Variants in NSL1 observed in about 807,000 individuals in gnomAD.
The protein encoded by NSL1 is kinetochore-associated protein NSL1 homolog.
A neutral mutation model predicts 25.4 loss-of-function variants in NSL1; 11 were observed. The observed-to-expected ratio is 0.43, with a 90% CI of 0.27 to 0.72. The LOEUF (loss-of-function observed/expected upper bound fraction) is 0.72, where lower values mean the gene tolerates loss of function less well. Among genes scored for constraint, NSL1 ranks in the 30% least tolerant of loss-of-function variants. The pLI, the probability that NSL1 is intolerant of heterozygous loss-of-function variation, is 0.19. For synonymous variants in NSL1, 118 were observed against 120.6 expected, an observed-to-expected ratio of 0.98 and a Z score of 0.14; for missense variants, 330 against 342.7, an observed-to-expected ratio of 0.96 and a Z score of 0.29.
intron 4 of NSL1, among the ~76,000 whole-genome samples, chr1:212,768,572 C>G (rs979000085): frequency 1.3e-5 from 2 of 152,190 alleles, no homozygotes; most frequent in Non-Finnish European, 2.9e-5. Context: ...GCATTCGCAG[C>G]AACCTGGATG....
chr1:212,768,357 C>G (rs556611606), intron 4 of NSL1, among the ~76,000 whole-genome samples: 1 of 145,966 alleles, frequency 6.9e-6, no homozygotes, highest in East Asian at 2.0e-4. Flanking sequence ...AAAAGCAGGA[C>G]TACCATTCGA....
chr1:212,726,958 G>T lies in NSL1; in HGVS notation c.*11450C>A. The T allele has an allele frequency of 1.8e-6, 1 of 560,906 alleles. No individual in the cohort carries two copies. The highest frequency in any genetic ancestry group is 3.1e-5 in the South Asian group (1 of 32,448). 34.7% of individuals were successfully genotyped at this position (560,906 alleles called of 1,614,324 possible). A position where few individuals can be genotyped will look rare whatever the true frequency, so the allele number is the denominator to read the frequency against. On this transcript the variant is annotated 3_prime_UTR_variant, in exon 6 of 6. Coordinates refer to ENST00000366977, the MANE Select transcript of NSL1 (RefSeq NM_015471.4). ...GTCCTGTCTCTTCATGGTGGGTGAA[G>T]AGCACAGGGAGAGTGTGCTTCCTGG...
rs150662008 is a variant in NSL1, at chr1:212,791,550, C to A, written c.214G>T (p.Ala72Ser). ...DALPEEIREP[A>S]LRDAQWTFES... ...CGTACCCACTGCGCATCTCGCAGAG[C>A]GGGCTCCCGAATCTCCTCCGGCAGA... The change falls in exon 1 of 6, where the codon GCT becomes TCT. Residue 72 changes from alanine (A) to serine (S), a missense_variant. Transcript: ENST00000366977. 1 of 1,613,620 alleles carries A rather than the reference C, an allele frequency of 6.2e-7. No individual in the cohort carries two copies. Among genetic ancestry groups the A allele is most frequent in the Non-Finnish European group, 8.5e-7 (1 of 1,179,946 alleles).
In NSL1 at chr1:212,763,824, A is replaced by C. The variant is rs559441340; in HGVS notation, c.499+18548T>G. Reference sequence around the variant, plus strand: ...TAAGAAATGAGACTGGCAACAACACAATAATAGTGTGGGACTTCAATACTC... The same window carrying C: ...TAAGAAATGAGACTGGCAACAACACCATAATAGTGTGGGACTTCAATACTC... On this transcript the variant is annotated intron_variant, in intron 4 of 5. Transcript: ENST00000366977. Among the ~76,000 whole-genome samples, 780 of 152,330 alleles carry C rather than the reference A, an allele frequency of 5.1e-3. 3 individuals are homozygous for C. The highest frequency in any genetic ancestry group is 0.018 in the African/African-American group (743 of 41,568).
In NSL1 at chr1:212,728,593, T is replaced by C; in HGVS notation, c.*9815A>G. The C allele has an allele frequency of 1.0e-6, 1 of 985,446 alleles. No individual in the cohort carries two copies. The highest frequency in any genetic ancestry group is 1.2e-6 in the Non-Finnish European group (1 of 829,928). The allele number at this position is 985,446 out of a possible 1,614,324, so 61.0% of individuals were successfully genotyped here. ...GATAGAAATGAGAAAAGGAGTTTTA[T>C]GTTAGGAAAAAAATGGTTTCTGAGA... On this transcript the variant is annotated 3_prime_UTR_variant, in exon 6 of 6. Transcript: ENST00000366977.
At chr1:212,759,846 G>A (rs1659479310) in intron 4 of NSL1, among the ~76,000 whole-genome samples, 1 of 152,142 alleles carries the variant, frequency 6.6e-6, no homozygotes, top group Non-Finnish European at 1.5e-5. Context: ...GTGCACCAGG[G>A]AGGCTGCCCG....
chr1:212,751,719 T>A (rs1344924891), intron 4 of NSL1, among the ~76,000 whole-genome samples: 2 of 146,666 alleles, frequency 1.4e-5, no homozygotes, highest in Admixed American at 6.8e-5. Context: ...CCATTTTTTT[T>A]AAAGACAAAA....
intron 2 of NSL1, among the ~76,000 whole-genome samples, chr1:212,787,264 G>T (rs1232327430): frequency 1.3e-5 from 2 of 151,992 alleles, no homozygotes; most frequent in African/African-American, 4.8e-5. Flanking sequence ...CACTTTTAAG[G>T]GTACTTCACT....
At chr1:212,739,664 A>G (rs977968281) in intron 4 of NSL1, 63 bp from the exon 5 acceptor site, 3 of 1,508,870 alleles carry the variant, frequency 2.0e-6, no homozygotes, top group African/African-American at 1.4e-5. Flanking sequence ...TAAAAGGCAT[A>G]TAGATACTAT....
chr1:212,773,340 GA>G (rs113611036), intron 4 of NSL1, among the ~76,000 whole-genome samples: 1 of 150,730 alleles, frequency 6.6e-6, no homozygotes, highest in Admixed American at 6.6e-5. Flanking sequence ...CAACAGCAAA[GA>G]AAAAAAAATC....
At chr1:212,744,203 T>C (rs573118051) in intron 4 of NSL1, among the ~76,000 whole-genome samples, 2 of 152,256 alleles carry the variant, frequency 1.3e-5, no homozygotes, top group Admixed American at 6.5e-5. Context: ...GACATACACC[T>C]ACAGAGTTTA....
intron 4 of NSL1, among the ~76,000 whole-genome samples, chr1:212,765,357 T>C (rs1212282874): frequency 6.6e-6 from 1 of 151,986 alleles, no homozygotes; most frequent in Non-Finnish European, 1.5e-5. Flanking sequence ...GCTAACCAAA[T>C]CCAACAGCAT....
At position 212,730,172 on chromosome 1, in the gene NSL1, C is replaced by T. The variant is rs1657954484; in HGVS notation, c.*8236G>A. The T allele has an allele frequency of 3.2e-6, 3 of 925,010 alleles. No individual in the cohort carries two copies. The highest frequency in any genetic ancestry group is 1.0e-4 in the South Asian group (2 of 19,896). 57.3% of individuals were successfully genotyped at this position (925,010 alleles called of 1,614,324 possible). A position where few individuals can be genotyped will look rare whatever the true frequency, so the allele number is the denominator to read the frequency against. The stretch of plus-strand genomic sequence containing the variant: ...GGCTAAGGCATGAGAACCTCTTGAA[C>T]CTGGGAGGTGGAGGTTGCAGTGAGT... On this transcript the variant is annotated 3_prime_UTR_variant, in exon 6 of 6. Transcript: ENST00000366977.
intron 2 of NSL1, among the ~76,000 whole-genome samples, 195 bp from the exon 3 acceptor site, chr1:212,784,688 TAAG>T (rs1182749502): frequency 1.3e-5 from 2 of 152,230 alleles, no homozygotes; most frequent in Non-Finnish European, 2.9e-5. Context: ...TGAGCATCTA[TAAG>T]AAGCCAGGCC....
chr1:212,787,687 A>G (rs1282424971), intron 1 of NSL1, 50 bp from the exon 2 acceptor site: 3 of 1,308,252 alleles, frequency 2.3e-6, no homozygotes, highest in Non-Finnish European at 3.2e-6. Flanking sequence ...TTTAAATACT[A>G]AATTCAAACG....
intron 4 of NSL1, among the ~76,000 whole-genome samples, chr1:212,771,611 CAAAA>C (rs57899487): frequency 1.6e-5 from 1 of 63,906 alleles, no homozygotes; most frequent in Non-Finnish European, 3.4e-5. Context: ...AAGACTCCAC[CAAAA>C]AAAAAAAAAA....
At chr1:212,771,611 C>CAAAA (rs57899487) in intron 4 of NSL1, among the ~76,000 whole-genome samples, 804 of 62,636 alleles carry the variant, frequency 0.013, 6 homozygotes, top group East Asian at 0.046. Context: ...AAGACTCCAC[C>CAAAA]AAAAAAAAAA....
At chr1:212,762,306 C>CAAAAAAAAAAAAAAA (rs71147025) in intron 4 of NSL1, among the ~76,000 whole-genome samples, 2 of 114,638 alleles carry the variant, frequency 1.7e-5, no homozygotes, top group African/African-American at 3.4e-5. Flanking sequence ...TTAAAAGAAA[C>CAAAAAAAAAAAAAAA]AAAAAAAAAA....
At position 212,760,470 on chromosome 1, in the gene NSL1, TTCACCCCACTGGCCACTACTGCCG is replaced by T. The variant is rs2102452966; in HGVS notation, c.500-20893_500-20870del. ...GAGCATACCGTTTGAGGTCCTGAGG[TTCACCCCACTGGCCACTACTGCCG>T]GCATCCACACACTCCTCCCCAGGGC... On this transcript the variant is annotated intron_variant, in intron 4 of 5. Coordinates refer to ENST00000366977, the MANE Select transcript of NSL1 (RefSeq NM_015471.4). The surrounding 1 kb of genome is among the most constrained non-coding windows in gnomAD (Gnocchi z 4.3). Among the ~76,000 whole-genome samples, 1 of 151,888 alleles carries T rather than the reference TTCACCCCACTGGCCACTACTGCCG, an allele frequency of 6.6e-6. No homozygotes were observed. Among genetic ancestry groups the T allele is most frequent in the Non-Finnish European group, 1.5e-5 (1 of 67,914 alleles).
Sources: gnomAD v4.1 joint callset for allele counts (sites outside exome capture counted in the v4.1 genomes callset) on GRCh38, gnomAD v4.1.1 for gene constraint, Gnocchi (gnomAD v3.1) non-coding constraint, MANE v1.5 for transcripts, NCBI Gene and HGNC (gene_info 2026-07-23, HGNC 2026-07-21) for gene names.